The following LAMP3 variants were observed in gnomAD, a reference collection of about 807,000 sequenced individuals.
LAMP3 encodes the protein lysosome associated membrane protein 3, also known as lysosome-associated membrane glycoprotein 3.
LAMP3 carries 26 observed loss-of-function variants against 34.8 expected under a neutral mutation model. The ratio of observed to expected loss-of-function variants is 0.75; its 90% CI spans 0.55 to 1.04. The LOEUF (loss-of-function observed/expected upper bound fraction) is 1.04. Among genes scored for constraint, LAMP3 ranks in the 50% least tolerant of loss-of-function variants. The probability of loss-of-function intolerance (pLI) is 0.00; values close to 1 mark genes in which losing one functional copy is unlikely to be tolerated. For missense variants in LAMP3, 495 were observed against 524.0 expected (o/e 0.94, Z 0.54); for synonymous variants, 180 against 201.9 (o/e 0.89, Z 0.92).
intron 1 of LAMP3, among the ~76,000 whole-genome samples, chr3:183,158,419 G>T (rs6443855): frequency 0.038 from 5,733 of 151,980 alleles, 352 homozygotes; most frequent in African/African-American, 0.13. Flanking sequence ...GACTTTGTCT[G>T]GACCCTCCCT....
intron 5 of LAMP3, among the ~76,000 whole-genome samples, chr3:183,130,063 G>A (rs1334788208): frequency 6.6e-6 from 1 of 151,520 alleles, no homozygotes; most frequent in Non-Finnish European, 1.5e-5. Context: ...CTAGCCTCCA[G>A]AACTGTGAGA....
chr3:183,125,253 G>A (rs1165711403), intron 5 of LAMP3, among the ~76,000 whole-genome samples: 1 of 152,178 alleles, frequency 6.6e-6, no homozygotes, highest in Non-Finnish European at 1.5e-5. Flanking sequence ...ACATGTGTGA[G>A]GTCATTGTAC....
At chr3:183,147,852 G>T (rs763121587) in intron 3 of LAMP3, among the ~76,000 whole-genome samples, 4 of 152,162 alleles carry the variant, frequency 2.6e-5, no homozygotes, top group Admixed American at 2.0e-4. Context: ...TGGTAGCTGG[G>T]ACCACAGGTA....
At chr3:183,158,383 G>A (rs1031009896) in intron 1 of LAMP3, among the ~76,000 whole-genome samples, 10 of 152,108 alleles carry the variant, frequency 6.6e-5, no homozygotes, top group Non-Finnish European at 1.3e-4. Flanking sequence ...AGGGCAGTGG[G>A]CAGAAGCAAG....
At chr3:183,130,237 C>A (rs922339896) in intron 5 of LAMP3, among the ~76,000 whole-genome samples, 7 of 143,702 alleles carry the variant, frequency 4.9e-5, no homozygotes, top group Non-Finnish European at 1.0e-4. Flanking sequence ...TGGCTCACTG[C>A]AAGCTCTGCC....
At chr3:183,138,422 T>C (rs992243791) in intron 4 of LAMP3, among the ~76,000 whole-genome samples, 2 of 152,192 alleles carry the variant, frequency 1.3e-5, no homozygotes, top group African/African-American at 2.4e-5. Context: ...AATTCCTTAA[T>C]TGGTAAAATA....
At chr3:183,127,728 GT>G (rs980165176) in intron 5 of LAMP3, among the ~76,000 whole-genome samples, 8 of 152,122 alleles carry the variant, frequency 5.3e-5, no homozygotes, top group African/African-American at 1.9e-4. Context: ...TGTGAACAAC[GT>G]TTTGGTTGCT....
At chr3:183,135,954 GGC>G in intron 4 of LAMP3, 67 bp from the exon 5 acceptor site, 1 of 1,301,166 alleles carries the variant, frequency 7.7e-7, no homozygotes, top group African/African-American at 1.4e-5. Flanking sequence ...GCTGTGGCCG[GGC>G]TGCCTGTGCA....
chr3:183,153,714 C>T lies in LAMP3; in HGVS notation c.727G>A (p.Gly243Arg). 6.5e-7 allele frequency: 1 copy of T among 1,527,450 alleles called. No homozygotes were observed. The highest frequency in any genetic ancestry group is 8.8e-7 in the Non-Finnish European group (1 of 1,139,412). The allele number at this position is 1,527,450 out of a possible 1,614,324, so 94.6% of individuals were successfully genotyped here. ...GSRLCIKAEM[G>R]IQLIVQDKES... ...TTGTCTTGAACAATCAGCTGTATCCCCATCTCTGCTTTTATACAGAGTCTG... is the reference window on the plus strand; with the variant it reads ...TTGTCTTGAACAATCAGCTGTATCCTCATCTCTGCTTTTATACAGAGTCTG... Residue 243 changes from glycine (G) to arginine (R), a missense_variant, in exon 2 of 6, where the codon GGG becomes AGG. Gly to Arg is a moderately radical substitution (Grantham distance 125, BLOSUM62 -2). Coordinates refer to ENST00000265598, the MANE Select transcript of LAMP3 (RefSeq NM_014398.4).
intron 1 of LAMP3, among the ~76,000 whole-genome samples, chr3:183,161,271 C>T (rs1208363179): frequency 6.6e-5 from 10 of 152,210 alleles, no homozygotes; most frequent in Non-Finnish European, 1.5e-4. Flanking sequence ...AGGAAGAAAC[C>T]TCTGATGCAT....
chr3:183,129,927 T>C (rs1719867117), intron 5 of LAMP3, among the ~76,000 whole-genome samples: 1 of 152,020 alleles, frequency 6.6e-6, no homozygotes, highest in South Asian at 2.1e-4. Flanking sequence ...ATGGTATCCT[T>C]ACACAAAGAG....
chr3:183,159,757 T>C (rs780658382), intron 1 of LAMP3, among the ~76,000 whole-genome samples: 2 of 152,246 alleles, frequency 1.3e-5, no homozygotes, highest in Non-Finnish European at 2.9e-5. Flanking sequence ...GAGTTCTATG[T>C]CTAAACCTCC....
At chr3:183,128,290 T>G (rs1576867938) in intron 5 of LAMP3, among the ~76,000 whole-genome samples, 1 of 152,320 alleles carries the variant, frequency 6.6e-6, no homozygotes, top group East Asian at 1.9e-4. Context: ...CATTAGATGA[T>G]TCCTTTCCTT....
chr3:183,147,918 T>C (rs1326005555), intron 3 of LAMP3, among the ~76,000 whole-genome samples: 1 of 152,190 alleles, frequency 6.6e-6, no homozygotes, highest in Non-Finnish European at 1.5e-5. Context: ...GGTCTTGCTA[T>C]GTTGCCCAGG....
At chr3:183,133,501 T>C (rs1451738564) in intron 5 of LAMP3, among the ~76,000 whole-genome samples, 1 of 152,178 alleles carries the variant, frequency 6.6e-6, no homozygotes, top group Admixed American at 6.5e-5. Flanking sequence ...ATTACAGGCA[T>C]GTACCACCAT....
chr3:183,160,538 T>C (rs994646867), intron 1 of LAMP3, among the ~76,000 whole-genome samples: 12 of 152,186 alleles, frequency 7.9e-5, no homozygotes, highest in African/African-American at 2.9e-4. Context: ...CAAGGCCAGA[T>C]GTCTTGAATG....
chr3:183,126,683 T>A (rs1719788766), intron 5 of LAMP3, among the ~76,000 whole-genome samples: 1 of 151,986 alleles, frequency 6.6e-6, no homozygotes, highest in South Asian at 2.1e-4. Context: ...AACAAAAAAG[T>A]AAAACCAATT....
At chr3:183,124,552 G>A (rs1719738788) in intron 5 of LAMP3, among the ~76,000 whole-genome samples, 2 of 152,308 alleles carry the variant, frequency 1.3e-5, no homozygotes, top group South Asian at 4.1e-4. Context: ...AAAGAGACCA[G>A]CCGGGCACAG....
At chr3:183,129,210 A>G (rs1425895450) in intron 5 of LAMP3, among the ~76,000 whole-genome samples, 5 of 152,304 alleles carry the variant, frequency 3.3e-5, no homozygotes, top group African/African-American at 1.2e-4. Context: ...TTTATTTTCC[A>G]TAAAGGCCTA....
Sources: allele counts gnomAD v4.1 joint callset (sites outside exome capture counted in the v4.1 genomes callset), GRCh38; gene constraint gnomAD v4.1.1; transcripts MANE v1.5; gene names NCBI Gene and HGNC (gene_info 2026-07-23, HGNC 2026-07-21).